The following PPFIBP1 variants were observed in gnomAD, a reference collection of about 807,000 sequenced individuals.
PPFIBP1 encodes liprin-beta-1.
In PPFIBP1, 112 loss-of-function variants were observed where a neutral mutation model predicts 137.8. That is an observed-to-expected ratio of 0.81 (90% CI 0.70 to 0.95). The LOEUF (loss-of-function observed/expected upper bound fraction) is 0.95. PPFIBP1 is among the 40% of genes least tolerant of loss of function. PPFIBP1 has a pLI of 0.00. For synonymous variants in PPFIBP1, 378 were observed against 417.3 expected, an observed-to-expected ratio of 0.91 and a Z score of 1.15; for missense variants, 1,083 against 1,196.6, an observed-to-expected ratio of 0.91 and a Z score of 1.40.
Position 27,673,799 on chromosome 12 carries a change from G to C in PPFIBP1, c.1352G>C (p.Gly451Ala). ...AGTCTGCAGAAGTCCAGCAGCCTGG[G>C]CAATCTGAAGAAAGAGACATCTGAT... is the stretch of plus-strand genomic sequence containing the variant. The part of the protein sequence containing the change: ...TSSLQKSSSL[G>A]NLKKETSDGE... The change falls in exon 16 of 30, where the codon GGC (glycine) becomes GCC (alanine). Residue 451 changes from glycine (G) to alanine (A), a missense_variant. Physicochemically the swap from Gly to Ala is moderately conservative, Grantham distance 60. Transcript: ENST00000228425. 6.2e-7 allele frequency: 1 copy of C among 1,613,580 alleles called. No homozygotes were observed. The highest frequency in any genetic ancestry group is 1.1e-5 in the South Asian group (1 of 91,008).
rs377169543 is a variant in PPFIBP1 at position 27,650,109 on chromosome 12, T to A, written c.571T>A (p.Leu191Met). The A allele has an allele frequency of 3.1e-6, 5 of 1,608,650 alleles. No homozygotes were observed. The South Asian group carries it at 5.5e-5, about 18-fold the overall frequency. Residue 191 changes from leucine to methionine, a missense_variant, in exon 7 of 30, where the codon TTG (leucine) becomes ATG (methionine). By Grantham distance (15) the Leu-to-Met change is conservative (BLOSUM62 2). Transcript: ENST00000228425. ...LKLTAVEKDR[L>M]DYEDKFRDTE... ...ACTGACAGCTGTAGAGAAGGACAGA[T>A]TGGATTATGAAGATAAGTTCAGAGA...
intron 2 of PPFIBP1, among the ~76,000 whole-genome samples, chr12:27,608,327 A>G (rs1466547381): frequency 1.3e-5 from 2 of 152,252 alleles, no homozygotes; most frequent in African/African-American, 4.8e-5. Flanking sequence ...CAATTCTACT[A>G]AAAGCCAACA....
intron 9 of PPFIBP1, among the ~76,000 whole-genome samples, chr12:27,658,076 G>A (rs372474590): frequency 9.6e-4 from 145 of 150,570 alleles, no homozygotes; most frequent in African/African-American, 3.4e-3. Context: ...GTTCGAGGCT[G>A]TAGTGAGCTA....
chr12:27,586,912 T>C (rs1415110002), intron 2 of PPFIBP1, among the ~76,000 whole-genome samples: 4 of 152,150 alleles, frequency 2.6e-5, no homozygotes, highest in African/African-American at 9.7e-5. Flanking sequence ...AACAAAAAAT[T>C]TAAAAGATGG....
chr12:27,645,494 A>G (rs1384883805), intron 4 of PPFIBP1, among the ~76,000 whole-genome samples: 1 of 152,244 alleles, frequency 6.6e-6, no homozygotes, highest in African/African-American at 2.4e-5. Flanking sequence ...AGTAAGCATC[A>G]ATATACACAG....
In PPFIBP1 at chr12:27,672,456, T is replaced by TTGATACCCAACTGTG; in HGVS notation, c.1298_1312dup (p.Thr433_Asp437dup). 6.2e-7 allele frequency: 1 copy of TTGATACCCAACTGTG among 1,609,410 alleles called. No homozygotes were observed. Among genetic ancestry groups the TTGATACCCAACTGTG allele is most frequent in the Non-Finnish European group, 8.5e-7 (1 of 1,176,132 alleles). Reference sequence around the variant, plus strand: ...GGAAACATAATCCTTGGTGCCACTGTTGATACCCAACTGTGTGATAAACTT... The same window carrying TTGATACCCAACTGTG: ...GGAAACATAATCCTTGGTGCCACTGTTGATACCCAACTGTGTGATACCCAACTGTGTGATAAACTT... On this transcript the variant is annotated inframe_insertion, in exon 15 of 30. Coordinates refer to ENST00000228425, the MANE Select transcript of PPFIBP1 (RefSeq NM_003622.4).
intron 26 of PPFIBP1, 27 bp from the exon 27 acceptor site, chr12:27,688,988 C>T (rs1207071633): frequency 1.9e-6 from 3 of 1,566,124 alleles, no homozygotes; most frequent in Non-Finnish European, 2.6e-6. Context: ...TGACTTTTGA[C>T]AAGCTTTTTT....
At chr12:27,673,309 T>C (rs2140218645) in intron 15 of PPFIBP1, among the ~76,000 whole-genome samples, 1 of 152,352 alleles carries the variant, frequency 6.6e-6, no homozygotes. Flanking sequence ...TAATTAGAAC[T>C]ATAAAATGAA....
At chr12:27,658,336 C>A (rs146521773) in intron 9 of PPFIBP1, among the ~76,000 whole-genome samples, 1 of 152,188 alleles carries the variant, frequency 6.6e-6, no homozygotes, top group Non-Finnish European at 1.5e-5. Context: ...GGGATAGCAT[C>A]TAACTGCATC....
chr12:27,538,922 CAA>C (rs2045039766), intron 1 of PPFIBP1, among the ~76,000 whole-genome samples: 1 of 152,124 alleles, frequency 6.6e-6, no homozygotes, highest in Non-Finnish European at 1.5e-5. Flanking sequence ...TTGGCAATGT[CAA>C]GAGACATTTT....
intron 1 of PPFIBP1, among the ~76,000 whole-genome samples, chr12:27,554,084 T>C (rs770635891): frequency 2.0e-5 from 3 of 152,240 alleles, no homozygotes; most frequent in African/African-American, 4.8e-5. Flanking sequence ...CACTGAGTGC[T>C]TAGATGTATA....
At chr12:27,597,431 G>A (rs1263184057) in intron 2 of PPFIBP1, among the ~76,000 whole-genome samples, 2 of 152,132 alleles carry the variant, frequency 1.3e-5, no homozygotes, top group Non-Finnish European at 2.9e-5. Context: ...TGGGATTACA[G>A]GCGTGAGCCA....
At chr12:27,551,939 A>G (rs1389981946) in intron 1 of PPFIBP1, among the ~76,000 whole-genome samples, 2 of 152,330 alleles carry the variant, frequency 1.3e-5, no homozygotes, top group East Asian at 1.9e-4. Context: ...AGAACATCAA[A>G]TCATAATTGC....
chr12:27,618,407 A>T (rs1363387474), intron 2 of PPFIBP1, among the ~76,000 whole-genome samples: 2 of 152,238 alleles, frequency 1.3e-5, no homozygotes, highest in East Asian at 3.8e-4. Flanking sequence ...TCTGATAAGA[A>T]ACATTGACAA....
chr12:27,660,676 G>C (rs976052370), intron 10 of PPFIBP1, among the ~76,000 whole-genome samples: 1 of 152,164 alleles, frequency 6.6e-6, no homozygotes, highest in African/African-American at 2.4e-5. Flanking sequence ...TTTCTAGAGT[G>C]GCAACTGTTC....
chr12:27,658,946 A>T (rs992511801), intron 10 of PPFIBP1, 98 bp downstream of exon 10: 30 of 1,255,552 alleles, frequency 2.4e-5, no homozygotes, highest in Non-Finnish European at 3.4e-5. Context: ...CTCACCAAAG[A>T]TGTAAAGTTG....
intron 2 of PPFIBP1, among the ~76,000 whole-genome samples, chr12:27,620,199 C>A (rs1248072150): frequency 6.6e-6 from 1 of 152,178 alleles, no homozygotes; most frequent in Non-Finnish European, 1.5e-5. Flanking sequence ...CAGATCATGT[C>A]ATTCCTTGGC....
At chr12:27,664,310 A>C in intron 11 of PPFIBP1, 52 bp from the exon 12 acceptor site, 1 of 1,172,024 alleles carries the variant, frequency 8.5e-7, no homozygotes, top group Non-Finnish European at 1.3e-6. Flanking sequence ...TGGAATTACT[A>C]TTACTCTTTT....
chr12:27,583,976 G>A (rs2051407106), intron 2 of PPFIBP1: 1 of 152,026 alleles, frequency 6.6e-6, no homozygotes, highest in Non-Finnish European at 1.5e-5. Context: ...TTTTTTTGTG[G>A]TAGTTGTGCT....
Sources: allele counts gnomAD v4.1 joint callset (sites outside exome capture counted in the v4.1 genomes callset), GRCh38; gene constraint gnomAD v4.1.1; transcripts MANE v1.5; gene names NCBI Gene and HGNC (gene_info 2026-07-23, HGNC 2026-07-21).